Variants in MACROD2 observed in about 807,000 individuals in gnomAD.
MACROD2 encodes the protein ADP-ribose glycohydrolase MACROD2.
A neutral mutation model predicts 70.4 loss-of-function variants in MACROD2; 36 were observed. The ratio of observed to expected loss-of-function variants is 0.51; its 90% CI spans 0.39 to 0.68. The LOEUF (loss-of-function observed/expected upper bound fraction) is 0.68. Ranked by LOEUF, MACROD2 falls within the 30% of genes least tolerant of loss-of-function variation. MACROD2 has a pLI of 0.00. For missense variants in MACROD2, 496 were observed against 538.4 expected (o/e 0.92, Z 0.78); for synonymous variants, 172 against 178.8 (o/e 0.96, Z 0.30).
At position 14,118,224 on chromosome 20, in the gene MACROD2, G is replaced by A. The variant is rs1041697593; in HGVS notation, c.271+32496G>A. 2.6e-5 allele frequency among the ~76,000 whole-genome samples: 4 copies of A among 152,156 alleles called. No homozygotes were observed. The East Asian group carries it at 5.8e-4, about 22-fold the overall frequency. ...ATAAGTTTTGTTTGTACAAAACTCG[G>A]CTTCTTCATATAATTGCATCTACTG... On this transcript the variant is annotated intron_variant, in intron 3 of 17. Transcript: ENST00000684519.
chr20:14,762,874 G>A (rs1054092757), intron 5 of MACROD2, among the ~76,000 whole-genome samples: 6 of 152,082 alleles, frequency 3.9e-5, no homozygotes, highest in South Asian at 2.1e-4. Flanking sequence ...AGGTTGCGGT[G>A]AGCTGAGATT....
Position 14,469,324 on chromosome 20 carries a change from T to G in MACROD2, c.272-24155T>G, listed in dbSNP as rs1294616422. 2.0e-5 allele frequency among the ~76,000 whole-genome samples: 3 copies of G among 152,294 alleles called. No homozygotes were observed. In the East Asian group the frequency reaches 5.8e-4, roughly 29 times the overall value. On this transcript the variant is annotated intron_variant, in intron 3 of 17. Transcript: ENST00000684519. ...TGTTAGTCTGATGTGCTTCACTGTG[T>G]GGGTAACCTGACCTTTCTCTCTGGA... is the stretch of plus-strand genomic sequence containing the variant.
chr20:14,910,458 C>T (rs190969374), intron 5 of MACROD2, among the ~76,000 whole-genome samples: 1 of 152,086 alleles, frequency 6.6e-6, no homozygotes, highest in East Asian at 1.9e-4. Flanking sequence ...CTTTTCAAAA[C>T]AAATAAAGAA....
chr20:15,167,399 C>A (rs547357388), intron 5 of MACROD2, among the ~76,000 whole-genome samples: 1 of 152,218 alleles, frequency 6.6e-6, no homozygotes, highest in Admixed American at 6.5e-5. Context: ...TTGTTTCCTG[C>A]AAAGCACTGT....
At chr20:15,094,290 G>GA (rs765701899) in intron 5 of MACROD2, among the ~76,000 whole-genome samples, 7 of 151,482 alleles carry the variant, frequency 4.6e-5, no homozygotes, top group Non-Finnish European at 1.0e-4. Flanking sequence ...TTGTAATATA[G>GA]AAAAAAAATC....
intron 5 of MACROD2, among the ~76,000 whole-genome samples, chr20:14,947,083 C>T (rs957161079): frequency 6.6e-6 from 1 of 152,244 alleles, no homozygotes; most frequent in African/African-American, 2.4e-5. Context: ...TCTTATCTCC[C>T]AAATATCCCT....
At chr20:15,056,066 C>T (rs552976270) in intron 5 of MACROD2, among the ~76,000 whole-genome samples, 3 of 152,222 alleles carry the variant, frequency 2.0e-5, no homozygotes, top group East Asian at 1.9e-4. Context: ...GGATTACAGG[C>T]GTGAGCCACA....
intron 8 of MACROD2, among the ~76,000 whole-genome samples, chr20:15,662,808 G>T (rs945252012): frequency 1.3e-5 from 2 of 150,570 alleles, no homozygotes; most frequent in African/African-American, 4.9e-5. Context: ...ATAAAAATAT[G>T]AAAATATTGC....
intron 6 of MACROD2, among the ~76,000 whole-genome samples, chr20:15,428,706 T>C (rs1421693269): frequency 6.6e-6 from 1 of 152,206 alleles, no homozygotes; most frequent in African/African-American, 2.4e-5. Flanking sequence ...ACTGCATCTT[T>C]CAGTCATCAT....
In MACROD2 at chr20:15,665,134, A is replaced by C. The variant is rs1187986687; in HGVS notation, c.645+165287A>C. Among the ~76,000 whole-genome samples, 3 of 152,198 alleles carry C rather than the reference A, an allele frequency of 2.0e-5. No individual in the cohort carries two copies. The East Asian group carries it at 5.8e-4, about 29-fold the overall frequency. On this transcript the variant is annotated intron_variant, in intron 8 of 17. Transcript: ENST00000684519. ...TTGAGAAGTGAAAAGGGAGATGGCT[A>C]GGTTTGCTGGCCTAGTGCTGTCTGT...
Position 15,088,434 on chromosome 20 carries a change from TATATA to T in MACROD2, c.419-141505_419-141501del, listed in dbSNP as rs1404780022. ...ATATATATATATATATATATATATA[TATATA>T]TATATATATATAATATTTTGTGTGT... On this transcript the variant is annotated intron_variant, in intron 5 of 17. Coordinates refer to ENST00000684519, the MANE Select transcript of MACROD2 (RefSeq NM_001351661.2). Among the ~76,000 whole-genome samples the T allele has an allele frequency of 1.5e-3, 119 of 78,148 alleles. 3 individuals carry two copies. The highest frequency in any genetic ancestry group is 4.7e-3 in the African/African-American group (103 of 21,758). The allele number at this position is 78,148 out of a possible 152,430, so 51.3% of individuals were successfully genotyped here.
chr20:15,457,581 A>G (rs985474637), intron 7 of MACROD2, among the ~76,000 whole-genome samples: 4 of 152,180 alleles, frequency 2.6e-5, no homozygotes, highest in African/African-American at 9.6e-5. Context: ...AGTACCGTCC[A>G]TGATGACTGC....
At chr20:15,032,531 C>T (rs1207902074) in intron 5 of MACROD2, among the ~76,000 whole-genome samples, 1 of 152,224 alleles carries the variant, frequency 6.6e-6, no homozygotes, top group African/African-American at 2.4e-5. Context: ...CAAATCCACA[C>T]TTCACCCTGA....
chr20:15,633,953 A>G (rs1259847760), intron 8 of MACROD2, among the ~76,000 whole-genome samples: 1 of 152,240 alleles, frequency 6.6e-6, no homozygotes, highest in African/African-American at 2.4e-5. Flanking sequence ...TTTAAACTCA[A>G]AAGTTTCACT....
At chr20:15,409,396 T>C (rs2046046864) in intron 6 of MACROD2, among the ~76,000 whole-genome samples, 1 of 152,344 alleles carries the variant, frequency 6.6e-6, no homozygotes, top group Admixed American at 6.5e-5. Context: ...TGCTGCAGTG[T>C]ATAATTCTTC....
intron 5 of MACROD2, among the ~76,000 whole-genome samples, chr20:14,818,265 C>T (rs1372309359): frequency 6.6e-6 from 1 of 151,996 alleles, no homozygotes; most frequent in Non-Finnish European, 1.5e-5. Flanking sequence ...CACGGAAAAT[C>T]CTTGAGGTGC....
chr20:15,020,972 A>ATGTATATG, intron 5 of MACROD2, among the ~76,000 whole-genome samples: 1 of 146,558 alleles, frequency 6.8e-6, no homozygotes, highest in African/African-American at 2.6e-5. Context: ...ATGTGTGTAT[A>ATGTATATG]CATATACACA....
intron 9 of MACROD2, among the ~76,000 whole-genome samples, chr20:15,864,136 C>T (rs2064461013): frequency 2.0e-5 from 3 of 151,914 alleles, no homozygotes; most frequent in Admixed American, 1.3e-4. Context: ...CAGTGTTTTA[C>T]AGAGTGGAAG....
intron 8 of MACROD2, among the ~76,000 whole-genome samples, chr20:15,790,724 TA>T (rs1396091510): frequency 6.6e-6 from 1 of 151,878 alleles, no homozygotes; most frequent in Non-Finnish European, 1.5e-5. Context: ...TAAATCTTTT[TA>T]GAAAAAAAAT....
Sources: allele counts gnomAD v4.1 joint callset (sites outside exome capture counted in the v4.1 genomes callset), GRCh38; gene constraint gnomAD v4.1.1; transcripts MANE v1.5; gene names NCBI Gene and HGNC (gene_info 2026-07-23, HGNC 2026-07-21).